HTR2C: variants seen among roughly 807,000 people sequenced by gnomAD.
The protein encoded by HTR2C is 5-hydroxytryptamine (serotonin) receptor 2C, G protein-coupled.
In HTR2C, 5 loss-of-function variants were observed where a neutral mutation model predicts 21.0. The ratio of observed to expected loss-of-function variants is 0.24; its 90% CI spans 0.12 to 0.50. The LOEUF is 0.50. HTR2C is among the 20% of genes least tolerant of loss of function. The pLI is 0.98. For missense variants in HTR2C, 271 were observed against 371.2 expected, an observed-to-expected ratio of 0.73 and a Z score of 2.22; for synonymous variants, 150 against 145.3, an observed-to-expected ratio of 1.03 and a Z score of -0.23.
At chrX:114,779,130 A>C (rs2070089753) in intron 4 of HTR2C, among the ~76,000 whole-genome samples, 1 of 111,039 alleles carries the variant, frequency 9.0e-6, no homozygotes, top group South Asian at 3.9e-4. Flanking sequence ...AATTGTCTAG[A>C]CCTGAATTTA....
At chrX:114,641,763 A>G (rs1287118197) in intron 2 of HTR2C, among the ~76,000 whole-genome samples, 3 of 111,771 alleles carry the variant, frequency 2.7e-5, no homozygotes. Flanking sequence ...TCCAGGGTAC[A>G]CGTGCAGGAT....
In HTR2C at chrX:114,607,086, G is replaced by A. The variant is rs782796500; in HGVS notation, c.-146-6729G>A. Among the ~76,000 whole-genome samples the A allele has an allele frequency of 4.6e-5, 5 of 109,320 alleles. No individual in the cohort carries two copies. In the East Asian group the frequency reaches 1.4e-3, roughly 31 times the overall value. 94.9% of individuals were successfully genotyped at this position (109,320 alleles called of 115,157 possible). A position where few individuals can be genotyped will look rare whatever the true frequency, so the allele number is the denominator to read the frequency against. On this transcript the variant is annotated intron_variant, in intron 1 of 5. Coordinates refer to ENST00000276198, the MANE Select transcript of HTR2C (RefSeq NM_000868.4). The stretch of plus-strand genomic sequence containing the variant: ...ATGTTATCACTTAAGGCAAGGACCG[G>A]CCATTTACACTTCTTTTGTGGTGGA...
chrX:114,817,672 C>T (rs140541818), intron 4 of HTR2C, among the ~76,000 whole-genome samples: 131 of 111,161 alleles, frequency 1.2e-3, no homozygotes, highest in African/African-American at 4.2e-3. Context: ...TGCAGCCTGG[C>T]AGCTACTGGA....
chrX:114,621,000 C>T (rs1255784862), intron 2 of HTR2C, among the ~76,000 whole-genome samples: 2 of 111,999 alleles, frequency 1.8e-5, no homozygotes, highest in African/African-American at 6.5e-5. Flanking sequence ...CCTGCCTCAA[C>T]CTCCCATGTA....
intron 1 of HTR2C, among the ~76,000 whole-genome samples, chrX:114,608,822 A>AT (rs1169821922): frequency 6.3e-5 from 7 of 111,321 alleles, no homozygotes; most frequent in African/African-American, 2.3e-4. Flanking sequence ...CATTTCTTTC[A>AT]TTTTTTTTCC....
chrX:114,726,902 A>T lies in HTR2C; in HGVS notation c.-35A>T. ...CTAGCCTGTTAATTTCGTCTTCTCAATTTTAAACTTTGGTTGCTTAAGACT... is the reference window on the plus strand; with the variant it reads ...CTAGCCTGTTAATTTCGTCTTCTCATTTTTAAACTTTGGTTGCTTAAGACT... On this transcript the variant is annotated 5_prime_UTR_variant, in exon 3 of 6. Transcript: ENST00000276198. 1 of 1,043,018 alleles carries T rather than the reference A, an allele frequency of 9.6e-7. No individual in the cohort carries two copies. The highest frequency in any genetic ancestry group is 1.3e-6 in the Non-Finnish European group (1 of 772,304). 86.0% of individuals were successfully genotyped at this position (1,043,018 alleles called of 1,213,427 possible). A position where few individuals can be genotyped will look rare whatever the true frequency, so the allele number is the denominator to read the frequency against.
intron 4 of HTR2C, among the ~76,000 whole-genome samples, chrX:114,761,990 C>CATATATGTGTATATACGTG (rs782126342): frequency 2.7e-3 from 27 of 9,888 alleles, no homozygotes; most frequent in East Asian, 0.019. Flanking sequence ...TGTATATATA[C>CATATATGTGTATATACGTG]TATATATACA....
At chrX:114,601,976 G>A (rs377513783) in intron 1 of HTR2C, among the ~76,000 whole-genome samples, 626 of 73,216 alleles carry the variant, frequency 8.6e-3, no homozygotes, top group South Asian at 0.021. Context: ...GTGATGGCCT[G>A]GATATGGTTT....
At chrX:114,694,621 T>C (rs936416946) in intron 2 of HTR2C, among the ~76,000 whole-genome samples, 1 of 108,697 alleles carries the variant, frequency 9.2e-6, no homozygotes, top group East Asian at 2.9e-4. Flanking sequence ...CTGAGTAGAG[T>C]AGCTGGGATT....
intron 2 of HTR2C, chrX:114,630,774 C>T: frequency 6.0e-6 from 2 of 334,997 alleles, no homozygotes; most frequent in Non-Finnish European, 1.2e-5. Flanking sequence ...AGCATGGGGC[C>T]CCAACCCCAG....
Position 114,902,967 on chromosome X carries a change from C to T in HTR2C, c.551-3622C>T, listed in dbSNP as rs782190025. Among the ~76,000 whole-genome samples the T allele has an allele frequency of 8.9e-5, 10 of 111,804 alleles. No homozygotes were observed. In the South Asian group the frequency reaches 3.4e-3, roughly 38 times the overall value. ...TTTGACAGAAAGAAAGCTAGATTCT[C>T]ATATATGTATCCACATTCAAACAGT... On this transcript the variant is annotated intron_variant, in intron 5 of 5. Coordinates refer to ENST00000276198, the MANE Select transcript of HTR2C (RefSeq NM_000868.4).
intron 2 of HTR2C, among the ~76,000 whole-genome samples, chrX:114,660,828 G>T (rs1556410017): frequency 8.9e-6 from 1 of 111,736 alleles, no homozygotes; most frequent in Admixed American, 9.5e-5. Context: ...ATAGTGAATG[G>T]TGCTATATTA....
intron 4 of HTR2C, among the ~76,000 whole-genome samples, chrX:114,834,356 C>G (rs1556462680): frequency 1.9e-5 from 2 of 103,876 alleles, no homozygotes; most frequent in Admixed American, 2.1e-4. Flanking sequence ...GTAGGTCACT[C>G]AGGACTTGCT....
intron 2 of HTR2C, among the ~76,000 whole-genome samples, chrX:114,702,656 T>C (rs1396071239): frequency 8.1e-5 from 9 of 110,808 alleles, no homozygotes; most frequent in Middle Eastern, 4.6e-3. Context: ...CATCAACTAA[T>C]GAGCAAAATA....
chrX:114,643,682 C>T (rs915510623), intron 2 of HTR2C, among the ~76,000 whole-genome samples: 1 of 111,451 alleles, frequency 9.0e-6, no homozygotes, highest in Non-Finnish European at 1.9e-5. Context: ...CACAGAGCTC[C>T]TTGCATGGGC....
chrX:114,754,939 G>A, intron 4 of HTR2C, among the ~76,000 whole-genome samples: 1 of 111,988 alleles, frequency 8.9e-6, no homozygotes, highest in Middle Eastern at 4.7e-3. Context: ...CAAACTTGGT[G>A]GCTTAAAACC....
intron 4 of HTR2C, among the ~76,000 whole-genome samples, chrX:114,841,398 G>GA (rs1352701671): frequency 5.4e-5 from 6 of 111,974 alleles, no homozygotes; most frequent in Non-Finnish European, 1.1e-4. Context: ...TAACACTACT[G>GA]AAAATAGTTT....
intron 2 of HTR2C, among the ~76,000 whole-genome samples, chrX:114,704,507 C>T (rs1556417571): frequency 8.9e-6 from 1 of 111,795 alleles, no homozygotes; most frequent in Admixed American, 9.5e-5. Flanking sequence ...CAAAATTCAA[C>T]AACCTTCATG....
intron 2 of HTR2C, among the ~76,000 whole-genome samples, chrX:114,646,922 T>C (rs1456376284): frequency 1.8e-5 from 2 of 111,862 alleles, no homozygotes; most frequent in African/African-American, 6.5e-5. Context: ...TTTTTTTTCA[T>C]ATATCTGTTG....
Sources: allele counts gnomAD v4.1 joint callset (sites outside exome capture counted in the v4.1 genomes callset), GRCh38; gene constraint gnomAD v4.1.1; transcripts MANE v1.5; gene names NCBI Gene and HGNC (gene_info 2026-07-23, HGNC 2026-07-21).